The following CFAP74 variants were observed in gnomAD, a reference collection of about 807,000 sequenced individuals.
The protein encoded by CFAP74 is cilia- and flagella-associated protein 74.
In CFAP74, 124 loss-of-function variants were observed where a neutral mutation model predicts 188.9. The observed-to-expected ratio is 0.66, with a 90% CI of 0.57 to 0.76. The LOEUF is 0.76. CFAP74 is among the 30% of genes least tolerant of loss of function. CFAP74 has a pLI of 0.00. For missense variants in CFAP74, 2,198 were observed against 2,165.2 expected (o/e 1.02, Z -0.30); for synonymous variants, 956 against 916.7 (o/e 1.04, Z -0.77).
At chr1:1,960,238 T>C in intron 14 of CFAP74, 1 of 571,112 alleles carries the variant, frequency 1.8e-6, no homozygotes, top group Non-Finnish European at 3.0e-6. Flanking sequence ...GGCGCTCCAG[T>C]GTGTGCGAAC....
intron 27 of CFAP74, chr1:1,928,019 A>C (rs1652055550): frequency 2.1e-6 from 1 of 485,176 alleles, no homozygotes; most frequent in Non-Finnish European, 3.8e-6. Flanking sequence ...CGGGGTCCCC[A>C]CCCTGGTGCC....
At chr1:1,993,950 C>T (rs1657771035) in intron 1 of CFAP74, among the ~76,000 whole-genome samples, 1 of 150,922 alleles carries the variant, frequency 6.6e-6, no homozygotes, top group South Asian at 2.1e-4. Context: ...CCACTGCACT[C>T]CAGCCTGGGC....
intron 13 of CFAP74, 53 bp downstream of exon 13, chr1:1,964,835 C>A: frequency 6.3e-7 from 1 of 1,597,210 alleles, no homozygotes; most frequent in South Asian, 1.1e-5. Context: ...GCAGGGCTCC[C>A]CTGCTGTCCT....
Position 1,955,767 on chromosome 1 carries a change from C to T in CFAP74, c.2100G>A (p.Glu700=). The change falls in exon 18 of 39, where the codon GAG becomes GAA. Residue 700 remains glutamate (E), a synonymous_variant. Transcript: ENST00000682832. ...GGCTCTGCATGTCCGCCTGGGAGGACTCCGTGCCCTCTAGCTGCTGCTCAG... is the reference window on the plus strand; with the variant it reads ...GGCTCTGCATGTCCGCCTGGGAGGATTCCGTGCCCTCTAGCTGCTGCTCAG... ...SFSEQQLEGT[E]SSQADMQSRK... 1 of 1,614,240 alleles carries T rather than the reference C, an allele frequency of 6.2e-7. No individual in the cohort carries two copies. Among genetic ancestry groups the T allele is most frequent in the Non-Finnish European group, 8.5e-7 (1 of 1,180,048 alleles).
chr1:1,992,817 G>A (rs1657666804), intron 1 of CFAP74, among the ~76,000 whole-genome samples: 1 of 151,980 alleles, frequency 6.6e-6, no homozygotes, highest in Non-Finnish European at 1.5e-5. Flanking sequence ...ATTACACTTT[G>A]CTTATCATTT....
At position 1,923,040 on chromosome 1, in the gene CFAP74, G is replaced by T. The variant is rs754090678; in HGVS notation, c.4628C>A (p.Ala1543Asp). Residue 1543 changes from alanine (A) to aspartate (D), a missense_variant, in exon 37 of 39, where the codon GCC (alanine) becomes GAC (aspartate). Coordinates refer to ENST00000682832, the MANE Select transcript of CFAP74 (RefSeq NM_001304360.2). This position sits in a 1 kb window ranked among gnomAD's most constrained non-coding sequence, Gnocchi z 6.3. Reference protein sequence around the residue: ...QFDTDTPAPPATRELQVGCIR... With the variant: ...QFDTDTPAPPDTRELQVGCIR... ...ACAGCCCACCTGCAGCTCTCGGGTG[G>T]CAGGTGGGGCTGGCGTGTCTGTGTC... is the stretch of plus-strand genomic sequence containing the variant. 2 of 1,606,622 alleles carry T rather than the reference G, an allele frequency of 1.2e-6. No individual in the cohort carries two copies. Among genetic ancestry groups the T allele is most frequent in the South Asian group, 2.2e-5 (2 of 90,318 alleles).
chr1:1,927,878 C>G (rs1652041372), intron 27 of CFAP74, 132 bp from the exon 28 acceptor site: 1 of 994,862 alleles, frequency 1.0e-6, no homozygotes, highest in African/African-American at 1.6e-5. Flanking sequence ...GACGCAAAAG[C>G]CGACCGGCGC....
Position 1,938,880 on chromosome 1 carries a change from G to T in CFAP74, c.2986C>A (p.Leu996Met). The change falls in exon 25 of 39, where the codon CTG becomes ATG. Residue 996 changes from leucine to methionine, a missense_variant. Transcript: ENST00000682832. ...CGGTTGATCTCAGACTTGCAGGTCAGTTGGAATCTGTGTTCCTCGGCCTTG... is the reference window on the plus strand; with the variant it reads ...CGGTTGATCTCAGACTTGCAGGTCATTTGGAATCTGTGTTCCTCGGCCTTG... ...PTKAEEHRFQ[L>M]TCKSEINRCF... 1 of 1,536,200 alleles carries T rather than the reference G, an allele frequency of 6.5e-7. No individual in the cohort carries two copies. The highest frequency in any genetic ancestry group is 8.7e-7 in the Non-Finnish European group (1 of 1,146,922).
rs984024650 is a variant in CFAP74 at position 1,985,017 on chromosome 1, GAAGGCAACTCGACGCATCC to G, written c.500+350_500+368del. 3 of 194,182 alleles carry G rather than the reference GAAGGCAACTCGACGCATCC, an allele frequency of 1.5e-5. No homozygotes were observed. The Admixed American group carries it at 1.6e-4, about 10-fold the overall frequency. 12.0% of individuals were successfully genotyped at this position (194,182 alleles called of 1,614,324 possible). A position where few individuals can be genotyped will look rare whatever the true frequency, so the allele number is the denominator to read the frequency against. ...CAAACCCCTTCTTGCCAAACTCGCCGAAGGCAACTCGACGCATCCAACCCAACTCCACAGGAAAGCATTT... is the reference window on the plus strand; with the variant it reads ...CAAACCCCTTCTTGCCAAACTCGCCGAACCCAACTCCACAGGAAAGCATTT... On this transcript the variant is annotated intron_variant, in intron 6 of 38. Transcript: ENST00000682832.
chr1:1,939,200 G>A (rs1653179145), intron 24 of CFAP74, among the ~76,000 whole-genome samples: 1 of 152,262 alleles, frequency 6.6e-6, no homozygotes, highest in African/African-American at 2.4e-5. Context: ...GCATGTGCAT[G>A]TGTGTGCACG....
In CFAP74 at chr1:1,974,138, G is replaced by A; in HGVS notation, c.561C>T (p.Asp187=). 6.2e-7 allele frequency: 1 copy of A among 1,612,584 alleles called. No homozygotes were observed. The highest frequency in any genetic ancestry group is 2.2e-5 in the East Asian group (1 of 44,762). ...GCCCCGTGGCCTCCACCTCCTCACG[G>A]TCAGCTGTCCGGAAGGCCTCGAGTC... The part of the protein sequence containing the change: ...EGRLEAFRTA[D]REEVEATGRR... The change falls in exon 7 of 39, where the codon GAC becomes GAT. Residue 187 remains aspartate (D), a synonymous_variant. Coordinates refer to ENST00000682832, the MANE Select transcript of CFAP74 (RefSeq NM_001304360.2).
chr1:1,937,015 G>A (rs983788007), intron 25 of CFAP74, among the ~76,000 whole-genome samples: 2 of 152,226 alleles, frequency 1.3e-5, no homozygotes, highest in Non-Finnish European at 1.5e-5. Flanking sequence ...TGAGACGAGA[G>A]AGAATGAGGA....
rs1307024536 is a variant in CFAP74, at chr1:1,926,683, C to T, written c.3741G>A (p.Lys1247=). 6.5e-7 allele frequency: 1 copy of T among 1,550,174 alleles called. No homozygotes were observed. Among genetic ancestry groups the T allele is most frequent in the South Asian group, 1.2e-5 (1 of 84,052 alleles). The change falls in exon 30 of 39, where the codon AAG becomes AAA. Residue 1247 remains lysine (K), a synonymous_variant. Transcript: ENST00000682832. Reference sequence around the variant, plus strand: ...CGACGTCGCCGAAGTTAAAGATGGTCTTGCCTTTATGGGACGTCACCACAA... The same window carrying T: ...CGACGTCGCCGAAGTTAAAGATGGTTTTGCCTTTATGGGACGTCACCACAA... ...PSVVVTSHKG[K]TIFNFGDVAV... is the part of the protein sequence containing the mutation.
At position 1,965,379 on chromosome 1, in the gene CFAP74, A is replaced by G. The variant is rs557830497; in HGVS notation, c.1402-318T>C. Among the ~76,000 whole-genome samples, 86 of 152,340 alleles carry G rather than the reference A, an allele frequency of 5.6e-4. No homozygotes were observed. The South Asian group carries it at 0.017, about 31-fold the overall frequency. ...TTCTGGGAAATGATGTGGAGGGGGA[A>G]CTTTCCAGATTGTTAAATCAGGACA... On this transcript the variant is annotated intron_variant, in intron 12 of 38. Coordinates refer to ENST00000682832, the MANE Select transcript of CFAP74 (RefSeq NM_001304360.2).
At chr1:1,945,571 T>C (rs1653693955) in intron 20 of CFAP74, among the ~76,000 whole-genome samples, 1 of 152,110 alleles carries the variant, frequency 6.6e-6, no homozygotes, top group Admixed American at 6.5e-5. Flanking sequence ...CTCACTCCTG[T>C]AATCCCAGCA....
chr1:1,938,797 G>C, intron 25 of CFAP74, 58 bp downstream of exon 25: 1 of 1,514,020 alleles, frequency 6.6e-7, no homozygotes, highest in Non-Finnish European at 8.8e-7. Context: ...TGGGAAGGGG[G>C]GCCCCTCCTG....
At position 1,968,865 on chromosome 1, in the gene CFAP74, G is replaced by C. The variant is rs753548537; in HGVS notation, c.1047-32C>G. The C allele has an allele frequency of 6.2e-7, 1 of 1,605,020 alleles. No homozygotes were observed. ...GGAGTCGCTTCTCAGATGAGTGCAA[G>C]AGGTCCCCTGCCTCCACCTTGCCCC... On this transcript the variant is annotated intron_variant, in intron 10 of 38. Coordinates refer to ENST00000682832, the MANE Select transcript of CFAP74 (RefSeq NM_001304360.2). This position sits in a 1 kb window ranked among gnomAD's most constrained non-coding sequence, Gnocchi z 4.3.
Position 1,956,750 on chromosome 1 carries a change from C to G in CFAP74, c.1886G>C (p.Ser629Thr). ...AGACGTGGTCTCTCCTACCACGTAG[C>G]TGCCGAAGTCAATGAGCTCCTTGTC... ...SLDKELIDFG[S>T]YVVGETTSRT... The change falls in exon 17 of 39, where the codon AGC becomes ACC. Residue 629 changes from serine to threonine, a missense_variant. Transcript: ENST00000682832. The G allele has an allele frequency of 6.2e-7, 1 of 1,613,736 alleles. No individual in the cohort carries two copies. Among genetic ancestry groups the G allele is most frequent in the African/African-American group, 1.3e-5 (1 of 75,064 alleles).
rs768378538 is a variant in CFAP74, at chr1:1,956,713, C to T, written c.1923G>A (p.Thr641=). 13 of 1,613,828 alleles carry T rather than the reference C, an allele frequency of 8.1e-6. No individual in the cohort carries two copies. Among genetic ancestry groups the T allele is most frequent in the African/African-American group, 8.0e-5 (6 of 74,938 alleles). The stretch of plus-strand genomic sequence containing the variant: ...TGCCCAAGCCCCCAACGTTGGTCAG[C>T]GTGATGGTCCGAGACGTGGTCTCTC... ...VVGETTSRTI[T]LTNVGGLGTT... is the part of the protein sequence containing the mutation. Residue 641 remains threonine (T), a synonymous_variant, in exon 17 of 39, where the codon ACG becomes ACA. Transcript: ENST00000682832.
Sources: allele counts gnomAD v4.1 joint callset (sites outside exome capture counted in the v4.1 genomes callset), GRCh38; gene constraint gnomAD v4.1.1; non-coding constraint Gnocchi (gnomAD v3.1); transcripts MANE v1.5; gene names NCBI Gene and HGNC (gene_info 2026-07-23, HGNC 2026-07-21).